The following ABCA12 variants were observed in gnomAD, a reference collection of about 807,000 sequenced individuals.
ABCA12 encodes glucosylceramide transporter ABCA12.
ABCA12 carries 156 observed loss-of-function variants against 293.5 expected under a neutral mutation model. The observed-to-expected ratio is 0.53, with a 90% confidence interval of 0.47 to 0.61. The LOEUF is 0.61. ABCA12 is among the 20% of genes least tolerant of loss of function. The pLI is 0.00. For synonymous variants in ABCA12, 1,063 were observed against 1,108.0 expected (o/e 0.96, Z 0.81); for missense variants, 2,797 against 3,090.2 (o/e 0.91, Z 2.25).
chr2:215,114,737 C>A (rs1453090179), intron 1 of ABCA12, among the ~76,000 whole-genome samples: 1 of 152,060 alleles, frequency 6.6e-6, no homozygotes, highest in Non-Finnish European at 1.5e-5. Flanking sequence ...AAGGTATCGT[C>A]TTTATTTTAT....
At chr2:214,983,542 T>C (rs1439260830) in intron 29 of ABCA12, 105 bp downstream of exon 29, 12 of 1,004,838 alleles carry the variant, frequency 1.2e-5, no homozygotes, top group Non-Finnish European at 1.7e-5. Flanking sequence ...AATTATTTCG[T>C]GAGAAAATAT....
At chr2:214,951,863 G>C (rs1698783957) in intron 44 of ABCA12, among the ~76,000 whole-genome samples, 1 of 152,098 alleles carries the variant, frequency 6.6e-6, no homozygotes, top group Admixed American at 6.5e-5. Flanking sequence ...GCATAATACA[G>C]TATTGTTAAC....
chr2:215,042,311 A>G (rs35787335), intron 7 of ABCA12: 43,052 of 152,190 alleles, frequency 0.28, 7,608 homozygotes, highest in Middle Eastern at 0.4. Flanking sequence ...ATCATGGCTC[A>G]CTGCAACCTC....
intron 30 of ABCA12, among the ~76,000 whole-genome samples, chr2:214,981,246 TC>T (rs1364233627): frequency 3.3e-5 from 5 of 152,188 alleles, no homozygotes; most frequent in Non-Finnish European, 5.9e-5. Context: ...CATTGGCAAT[TC>T]TTCACAGTCT....
chr2:214,943,785 A>G (rs987149227), intron 49 of ABCA12, among the ~76,000 whole-genome samples: 5 of 152,168 alleles, frequency 3.3e-5, no homozygotes, highest in Non-Finnish European at 7.3e-5. Context: ...GTCTATCATA[A>G]TTGGAGGTGA....
At chr2:214,942,902 TA>T (rs1465899259) in intron 50 of ABCA12, 22 bp downstream of exon 50, 2 of 1,596,114 alleles carry the variant, frequency 1.3e-6, no homozygotes, top group African/African-American at 2.7e-5. Flanking sequence ...CACTATCTGT[TA>T]AGCAATGCAT....
At chr2:215,021,152 A>G (rs970408029) in intron 11 of ABCA12, among the ~76,000 whole-genome samples, 8 of 152,202 alleles carry the variant, frequency 5.3e-5, no homozygotes, top group Admixed American at 1.3e-4. Context: ...GCCAGTCGAC[A>G]ATTTTTAAAG....
chr2:215,133,847 G>C (rs1384786532), intron 1 of ABCA12, among the ~76,000 whole-genome samples: 1 of 152,088 alleles, frequency 6.6e-6, no homozygotes, highest in East Asian at 1.9e-4. Flanking sequence ...AGTGGGATCA[G>C]AGAATGTTAG....
intron 7 of ABCA12, among the ~76,000 whole-genome samples, chr2:215,044,017 T>C (rs1399998654): frequency 6.6e-6 from 1 of 152,076 alleles, no homozygotes; most frequent in African/African-American, 2.4e-5. Context: ...ATTTTTATTG[T>C]TGTGTTGTAT....
intron 14 of ABCA12, 102 bp from the exon 15 acceptor site, chr2:215,015,765 A>G (rs1700480797): frequency 9.5e-7 from 1 of 1,048,820 alleles, no homozygotes; most frequent in Non-Finnish European, 1.4e-6. Flanking sequence ...AACTAAAACA[A>G]AAGGTCCTCA....
rs907982657 is a variant in ABCA12 at position 215,063,998 on chromosome 2, G to A, written c.317+68C>T. The A allele has an allele frequency of 1.4e-5, 22 of 1,600,524 alleles. No individual in the cohort carries two copies. The African/African-American group carries it at 1.5e-4, about 11-fold the overall frequency. ...CATATCTAAGCTTGCATGGCTTCCT[G>A]GCTATCTCAGAAGGAAACAAGATTT... On this transcript the variant is annotated intron_variant, in intron 3 of 52. Transcript: ENST00000272895.
At chr2:215,019,258 A>G (rs1033546879) in intron 13 of ABCA12, 78 bp downstream of exon 13, 15 of 1,384,888 alleles carry the variant, frequency 1.1e-5, no homozygotes, top group Non-Finnish European at 1.4e-5. Context: ...GGAACTTCAA[A>G]AAAGCTTTCT....
rs558709625 is a variant in ABCA12, at chr2:215,110,963, T to A, written c.163+634A>T. On this transcript the variant is annotated intron_variant, in intron 2 of 52. Coordinates refer to ENST00000272895, the MANE Select transcript of ABCA12 (RefSeq NM_173076.3). ...AACAGCATTCATCAAGCCACTGGGG[T>A]TAAAACCCTCATCCCCCTCAGTTCT... Among the ~76,000 whole-genome samples the A allele has an allele frequency of 7.9e-5, 12 of 152,334 alleles. No homozygotes were observed. In the South Asian group the frequency reaches 2.5e-3, roughly 32 times the overall value.
chr2:214,937,532 T>C lies in ABCA12; in HGVS notation c.7520A>G (p.His2507Arg). The C allele has an allele frequency of 6.2e-7, 1 of 1,613,812 alleles. No homozygotes were observed. The highest frequency in any genetic ancestry group is 2.2e-5 in the East Asian group (1 of 44,858). The stretch of plus-strand genomic sequence containing the variant: ...TACTTTTAAGTATGTTTTTGGAAAG[T>C]GCAGCTGCATGAACTTTGTGAGGGT... Reference protein sequence around the residue: ...METLTKFMQLHFPKTYLKDQH... With the variant: ...METLTKFMQLRFPKTYLKDQH... Residue 2507 changes from histidine to arginine, a missense_variant, in exon 51 of 53, where the codon CAC becomes CGC. Physicochemically the swap from His to Arg is conservative, Grantham distance 29 (BLOSUM62 0). Around this residue, in one of 3 missense-constraint regions of ABCA12, gnomAD observed 2,130 missense variants for 2,427.0 expected, o/e 0.88. Coordinates refer to ENST00000272895, the MANE Select transcript of ABCA12 (RefSeq NM_173076.3).
intron 11 of ABCA12, among the ~76,000 whole-genome samples, chr2:215,020,292 G>GCACGCACACA (rs1553534996): frequency 2.7e-5 from 4 of 148,700 alleles, no homozygotes; most frequent in African/African-American, 9.9e-5. Flanking sequence ...GGGAATGTAT[G>GCACGCACACA]CACACACACA....
At chr2:214,984,297 T>C (rs1235993029) in intron 28 of ABCA12, among the ~76,000 whole-genome samples, 1 of 151,984 alleles carries the variant, frequency 6.6e-6, no homozygotes, top group African/African-American at 2.4e-5. Flanking sequence ...GGGGTTTCAC[T>C]GTATTAGCCA....
chr2:215,094,862 A>G (rs1702219073), intron 2 of ABCA12, among the ~76,000 whole-genome samples: 1 of 151,990 alleles, frequency 6.6e-6, no homozygotes, highest in African/African-American at 2.4e-5. Flanking sequence ...AGTGCAAGAC[A>G]TCATCTCTTT....
intron 2 of ABCA12, 63 bp downstream of exon 2, chr2:215,111,534 T>C (rs1702569856): frequency 7.4e-7 from 1 of 1,351,108 alleles, no homozygotes; most frequent in African/African-American, 1.4e-5. Flanking sequence ...ACTAAAGTGG[T>C]ACCAAAATAA....
At chr2:214,975,210 C>T (rs1699485654) in intron 34 of ABCA12, among the ~76,000 whole-genome samples, 1 of 152,180 alleles carries the variant, frequency 6.6e-6, no homozygotes, top group African/African-American at 2.4e-5. Context: ...GTAATCAGCC[C>T]ACCTTGGCCT....
Sources: gnomAD v4.1 joint callset for allele counts (sites outside exome capture counted in the v4.1 genomes callset) on GRCh38, gnomAD v4.1.1 for gene constraint, gnomAD v4.1.1 regional missense constraint, MANE v1.5 for transcripts, NCBI Gene and HGNC (gene_info 2026-07-23, HGNC 2026-07-21) for gene names.